MGAT5: variants seen among roughly 807,000 people sequenced by gnomAD.
The protein encoded by MGAT5 is alpha-1,6-mannosylglycoprotein 6-beta-N-acetylglucosaminyltransferase A.
Under a neutral mutation model 94.3 loss-of-function variants are expected in MGAT5, and 30 were observed. The ratio of observed to expected loss-of-function variants is 0.32; its 90% CI spans 0.24 to 0.43. The LOEUF (loss-of-function observed/expected upper bound fraction) is 0.43. Ranked by LOEUF, MGAT5 falls within the 20% of genes least tolerant of loss-of-function variation. The pLI is 1.00. For missense variants in MGAT5, 691 were observed against 905.5 expected, an observed-to-expected ratio of 0.76 and a Z score of 3.04; for synonymous variants, 310 against 322.9, an observed-to-expected ratio of 0.96 and a Z score of 0.43.
intron 2 of MGAT5, among the ~76,000 whole-genome samples, chr2:134,278,898 T>C (rs1311360654): frequency 6.6e-6 from 1 of 152,238 alleles, no homozygotes; most frequent in African/African-American, 2.4e-5. Context: ...TAAGACTTGC[T>C]TGATGCCCCT....
chr2:134,430,119 A>T (rs1024096847), intron 14 of MGAT5, among the ~76,000 whole-genome samples: 18 of 152,152 alleles, frequency 1.2e-4, no homozygotes, highest in Admixed American at 6.5e-5. Context: ...TCCTTCAATT[A>T]TGGGTCTTAA....
intron 1 of MGAT5, among the ~76,000 whole-genome samples, chr2:134,129,297 A>G (rs570658412): frequency 6.6e-6 from 1 of 152,262 alleles, no homozygotes; most frequent in African/African-American, 2.4e-5. Context: ...TACTCTCACC[A>G]AGCTGGGAAA....
At position 134,331,757 on chromosome 2, in the gene MGAT5, G is replaced by T. The variant is rs115532247; in HGVS notation, c.574-4460G>T. Among the ~76,000 whole-genome samples the T allele has an allele frequency of 2.6e-5, 4 of 151,722 alleles. No individual in the cohort carries two copies. In the East Asian group the frequency reaches 5.8e-4, roughly 22 times the overall value. ...AGGTGGTCATAGACAGCTGTAGGAC[G>T]CTAGGGCTCTGAGAGCCAAGAGTAG... On this transcript the variant is annotated intron_variant, in intron 4 of 15. Coordinates refer to ENST00000281923, the MANE Select transcript of MGAT5 (RefSeq NM_002410.5).
At chr2:134,311,758 T>C (rs1686678756) in intron 2 of MGAT5, among the ~76,000 whole-genome samples, 1 of 151,704 alleles carries the variant, frequency 6.6e-6, no homozygotes, top group African/African-American at 2.4e-5. Context: ...AAAAACTTTG[T>C]TTGTAGTAAG....
chr2:134,129,520 C>G (rs1166483022), intron 1 of MGAT5, among the ~76,000 whole-genome samples: 1 of 152,114 alleles, frequency 6.6e-6, no homozygotes, highest in Admixed American at 6.5e-5. Context: ...TGGTTCTTTG[C>G]TCTTTATGTA....
intron 1 of MGAT5, among the ~76,000 whole-genome samples, chr2:134,169,413 G>GAC (rs71660291): frequency 0.023 from 2,892 of 126,934 alleles, 47 homozygotes; most frequent in African/African-American, 0.054. Context: ...CACACACACA[G>GAC]ACACACACAC....
intron 7 of MGAT5, among the ~76,000 whole-genome samples, chr2:134,342,682 T>C (rs769236419): frequency 1.4e-5 from 2 of 147,044 alleles, no homozygotes; most frequent in Non-Finnish European, 3.0e-5. Context: ...ATCATGCCAC[T>C]GCACTCCAGC....
At chr2:134,258,305 A>G (rs1005224819) in intron 1 of MGAT5, among the ~76,000 whole-genome samples, 1 of 152,242 alleles carries the variant, frequency 6.6e-6, no homozygotes, top group Non-Finnish European at 1.5e-5. Context: ...AGCAGTCACC[A>G]TGGTTATTCT....
chr2:134,155,103 G>A (rs73005596), intron 1 of MGAT5, among the ~76,000 whole-genome samples: 5,734 of 152,254 alleles, frequency 0.038, 370 homozygotes, highest in African/African-American at 0.13. Flanking sequence ...GGGTTAGGAC[G>A]CGCAAACTTT....
chr2:134,420,580 C>T (rs934587801), intron 12 of MGAT5, among the ~76,000 whole-genome samples: 8 of 152,058 alleles, frequency 5.3e-5, no homozygotes, highest in South Asian at 4.1e-4. Flanking sequence ...AAGGGAAAGA[C>T]GGAGGGGTGC....
intron 1 of MGAT5, among the ~76,000 whole-genome samples, chr2:134,170,143 C>T (rs1688137705): frequency 6.6e-6 from 1 of 152,142 alleles, no homozygotes; most frequent in Non-Finnish European, 1.5e-5. Context: ...GGTATATATT[C>T]CATTAGCCTA....
intron 10 of MGAT5, among the ~76,000 whole-genome samples, chr2:134,390,848 GA>G (rs571131667): frequency 6.2e-4 from 95 of 152,230 alleles, no homozygotes; most frequent in African/African-American, 2.2e-3. Context: ...GGTCTCCACT[GA>G]AGTGGGCCAT....
At chr2:134,336,078 A>G in intron 4 of MGAT5, 139 bp from the exon 5 acceptor site, 3 of 640,012 alleles carry the variant, frequency 4.7e-6, no homozygotes. Context: ...AGCTAAAAGC[A>G]TGGGAATTTG....
At chr2:134,367,257 T>G (rs1680491088) in intron 10 of MGAT5, among the ~76,000 whole-genome samples, 1 of 152,168 alleles carries the variant, frequency 6.6e-6, no homozygotes, top group Non-Finnish European at 1.5e-5. Flanking sequence ...TGGGGCCAGA[T>G]AGGAAATGCT....
chr2:134,363,484 T>A (rs1424775808), intron 10 of MGAT5, among the ~76,000 whole-genome samples: 1 of 152,242 alleles, frequency 6.6e-6, no homozygotes, highest in Non-Finnish European at 1.5e-5. Context: ...TTGTCTTTGT[T>A]TAGTACAGTA....
At chr2:134,343,008 G>A (rs1688723661) in intron 7 of MGAT5, among the ~76,000 whole-genome samples, 1 of 152,134 alleles carries the variant, frequency 6.6e-6, no homozygotes, top group Non-Finnish European at 1.5e-5. Context: ...CTGTGTAGTG[G>A]GCACCTAGAT....
At chr2:134,165,321 G>A (rs539012577) in intron 1 of MGAT5, among the ~76,000 whole-genome samples, 1 of 152,300 alleles carries the variant, frequency 6.6e-6, no homozygotes, top group South Asian at 2.1e-4. Flanking sequence ...TTAAGACATG[G>A]ATACTCTAAT....
chr2:134,433,596 G>T (rs937009670), intron 14 of MGAT5, among the ~76,000 whole-genome samples: 3 of 152,210 alleles, frequency 2.0e-5, no homozygotes, highest in African/African-American at 7.2e-5. Context: ...CTCTGGGGCC[G>T]TGTGTGGACA....
chr2:134,370,593 G>C (rs977032842), intron 10 of MGAT5, among the ~76,000 whole-genome samples: 2 of 152,280 alleles, frequency 1.3e-5, no homozygotes, highest in Non-Finnish European at 2.9e-5. Context: ...GCCAGAGGCA[G>C]GGAGGAGTGT....
Sources: gnomAD v4.1 joint callset for allele counts (sites outside exome capture counted in the v4.1 genomes callset) on GRCh38, gnomAD v4.1.1 for gene constraint, MANE v1.5 for transcripts, NCBI Gene and HGNC (gene_info 2026-07-23, HGNC 2026-07-21) for gene names.